ZIC4: variants seen among roughly 807,000 people sequenced by gnomAD.
ZIC4 encodes zinc finger protein ZIC 4.
Under a neutral mutation model 28.8 loss-of-function variants are expected in ZIC4, and 15 were observed. The observed-to-expected ratio is 0.52, with a 90% CI of 0.35 to 0.80. The LOEUF is 0.80. Among genes scored for constraint, ZIC4 ranks in the 30% least tolerant of loss-of-function variants. ZIC4 has a pLI of 0.01. For missense variants in ZIC4, 512 were observed against 467.1 expected (o/e 1.10, Z -0.89); for synonymous variants, 220 against 198.1 (o/e 1.11, Z -0.93).
At chr3:147,398,013 C>A (rs901286967) in intron 2 of ZIC4, among the ~76,000 whole-genome samples, 4 of 151,934 alleles carry the variant, frequency 2.6e-5, no homozygotes, top group African/African-American at 9.7e-5. Context: ...TGACCAGGGA[C>A]GGGATTAGGC....
rs2087037879 is a variant in ZIC4, at chr3:147,396,169, A to T, written c.371T>A (p.Ile124Asn). 1 of 1,614,044 alleles carries T rather than the reference A, an allele frequency of 6.2e-7. No individual in the cohort carries two copies. Residue 124 changes from isoleucine (I) to asparagine (N), a missense_variant, in exon 3 of 5, where the codon ATC becomes AAC. This residue lies in a region of ZIC4 where 310 missense variants were observed against 256.5 expected (regional missense o/e 1.21). Coordinates refer to ENST00000383075, the MANE Select transcript of ZIC4 (RefSeq NM_032153.6). This position sits in a 1 kb window ranked among gnomAD's most constrained non-coding sequence, Gnocchi z 4.2. ...GAFFRYMRQP[I>N]KQELICKWLA... ...CCACTTGCAGATGAGCTCCTGTTTGATGGGCTGGCGCATGTAGCGGAAGAA... is the reference window on the plus strand; with the variant it reads ...CCACTTGCAGATGAGCTCCTGTTTGTTGGGCTGGCGCATGTAGCGGAAGAA...
At chr3:147,405,529 G>A (rs2087256830) in intron 1 of ZIC4, 1 of 1,505,712 alleles carries the variant, frequency 6.6e-7, no homozygotes, top group Non-Finnish European at 8.9e-7. Context: ...TCACAGCTCA[G>A]CTCTATTCCC....
At chr3:147,399,359 T>G (rs1289915624) in intron 2 of ZIC4, among the ~76,000 whole-genome samples, 1 of 152,154 alleles carries the variant, frequency 6.6e-6, no homozygotes, top group East Asian at 1.9e-4. Flanking sequence ...CCCAGGTGTA[T>G]GTTGAATGAT....
At chr3:147,395,743 C>G in intron 3 of ZIC4, 109 bp downstream of exon 3, 2 of 1,493,718 alleles carry the variant, frequency 1.3e-6, no homozygotes, top group Non-Finnish European at 1.8e-6. Flanking sequence ...CTCATGGAAA[C>G]AACCCCAAAA....
At position 147,386,075 on chromosome 3, in the gene ZIC4, T is replaced by C. The variant is rs558748444; in HGVS notation, c.*2784A>G. The stretch of plus-strand genomic sequence containing the variant: ...AAAGAGGAAGAGAAACATCACATTA[T>C]TTATTTCCAAAGAAAATAGCCAAAT... On this transcript the variant is annotated 3_prime_UTR_variant, in exon 5 of 5. Coordinates refer to ENST00000383075, the MANE Select transcript of ZIC4 (RefSeq NM_032153.6). 1 of 152,332 alleles carries C rather than the reference T, an allele frequency of 6.6e-6. No individual in the cohort carries two copies. The highest frequency in any genetic ancestry group is 2.4e-5 in the African/African-American group (1 of 41,584). 9.4% of individuals were successfully genotyped at this position (152,332 alleles called of 1,614,324 possible).
chr3:147,395,452 T>A (rs2087018826), intron 3 of ZIC4, among the ~76,000 whole-genome samples: 1 of 152,192 alleles, frequency 6.6e-6, no homozygotes, highest in South Asian at 2.1e-4. Context: ...TTATCAGGAC[T>A]ACAGGTGGAA....
chr3:147,403,068 T>C (rs1045068346), intron 1 of ZIC4, among the ~76,000 whole-genome samples: 1 of 152,138 alleles, frequency 6.6e-6, no homozygotes, highest in African/African-American at 2.4e-5. Flanking sequence ...TATTTGAAAC[T>C]CCTTTGTTGT....
intron 3 of ZIC4, among the ~76,000 whole-genome samples, chr3:147,394,368 G>C (rs1333182839): frequency 6.8e-6 from 1 of 147,998 alleles, no homozygotes; most frequent in African/African-American, 2.5e-5. Flanking sequence ...CACTGAACTT[G>C]CTTCTCTGCT....
In ZIC4 at chr3:147,390,924, C is replaced by A; in HGVS notation, c.1004+7G>T. The A allele has an allele frequency of 6.2e-7, 1 of 1,604,522 alleles. No homozygotes were observed. The highest frequency in any genetic ancestry group is 8.5e-7 in the Non-Finnish European group (1 of 1,175,726). ...CCGCTATGGGGCCCAAGCCCTGACACACGTACCATTCGCTCAAGTCGGCGG... is the reference window on the plus strand; with the variant it reads ...CCGCTATGGGGCCCAAGCCCTGACAAACGTACCATTCGCTCAAGTCGGCGG... On this transcript the variant is annotated splice_region_variant and intron_variant, in intron 4 of 4. Coordinates refer to ENST00000383075, the MANE Select transcript of ZIC4 (RefSeq NM_032153.6).
Position 147,402,748 on chromosome 3 carries a change from C to T in ZIC4, c.50G>A (p.Arg17Gln), listed in dbSNP as rs148365070. 1,365 of 1,613,254 alleles carry T rather than the reference C, an allele frequency of 8.5e-4. 1 individual carries two copies. Among genetic ancestry groups the T allele is most frequent in the Non-Finnish European group, 1.1e-3 (1,295 of 1,179,706 alleles). ...CTTACTTGACTCTTTAAGAGTGTTT[C>T]GGTAAAGCCGTAATCGTTTCCTCAT... ...LVMRKRLRLY[R>Q]NTLKESSSSS... Residue 17 changes from arginine (R) to glutamine (Q), a missense_variant, in exon 2 of 5, where the codon CGA becomes CAA. Around this residue, in one of 3 missense-constraint regions of ZIC4, gnomAD observed 310 missense variants for 256.5 expected, o/e 1.21. Transcript: ENST00000383075.
rs1179950586 is a variant in ZIC4, at chr3:147,387,953, C to A, written c.*906G>T. 6.6e-6 allele frequency: 1 copy of A among 152,300 alleles called. No homozygotes were observed. Among genetic ancestry groups the A allele is most frequent in the Admixed American group, 6.5e-5 (1 of 15,274 alleles). The allele number at this position is 152,300 out of a possible 1,614,324, so 9.4% of individuals were successfully genotyped here. The stretch of plus-strand genomic sequence containing the variant: ...CTTGGAATGCTCATTTGTTAAGCTT[C>A]GGAGGCTGCTTTAAAATCTTTCACT... On this transcript the variant is annotated 3_prime_UTR_variant, in exon 5 of 5. Transcript: ENST00000383075.
In ZIC4 at chr3:147,388,585, C is replaced by T. The variant is rs2086840775; in HGVS notation, c.*274G>A. The T allele has an allele frequency of 9.7e-6, 4 of 411,994 alleles. No individual in the cohort carries two copies. The Admixed American group carries it at 1.7e-4, about 17-fold the overall frequency. 25.5% of individuals were successfully genotyped at this position (411,994 alleles called of 1,614,324 possible). On this transcript the variant is annotated 3_prime_UTR_variant, in exon 5 of 5. Transcript: ENST00000383075. Reference sequence around the variant, plus strand: ...AATTAAATGAAAATGATTTAGTCCGCGTCAAACAAAAATATATACTTGTAT... The same window carrying T: ...AATTAAATGAAAATGATTTAGTCCGTGTCAAACAAAAATATATACTTGTAT...
In ZIC4 at chr3:147,402,622, C is replaced by T. The variant is rs952259529; in HGVS notation, c.70+106G>A. 7.7e-6 allele frequency: 8 copies of T among 1,036,644 alleles called. No individual in the cohort carries two copies. The African/African-American group carries it at 1.1e-4, about 15-fold the overall frequency. 64.2% of individuals were successfully genotyped at this position (1,036,644 alleles called of 1,614,324 possible). Reference sequence around the variant, plus strand: ...AGAAACTCCCCCCAAACTCTCAACCCAACATAAACAAAAGACAAAACAAAA... The same window carrying T: ...AGAAACTCCCCCCAAACTCTCAACCTAACATAAACAAAAGACAAAACAAAA... On this transcript the variant is annotated intron_variant, in intron 2 of 4. Transcript: ENST00000383075.
Position 147,396,001 on chromosome 3 carries a change from C to A in ZIC4, c.539G>T (p.Arg180Leu), listed in dbSNP as rs1288394862. The change falls in exon 3 of 5, where the codon CGC becomes CTC. Residue 180 changes from arginine (R) to leucine (L), a missense_variant. Physicochemically the swap from Arg to Leu is moderately radical, Grantham distance 102 (BLOSUM62 -2). This residue lies in a region of ZIC4 where 310 missense variants were observed against 256.5 expected (regional missense o/e 1.21). Coordinates refer to ENST00000383075, the MANE Select transcript of ZIC4 (RefSeq NM_032153.6). This position sits in a 1 kb window ranked among gnomAD's most constrained non-coding sequence, Gnocchi z 4.2. ...TTTGGCTTTGAAGGGCTTTCCCTGG[C>A]GCGGACACTCCTCCCAGAAGCAAAT... Reference protein sequence around the residue: ...NHICFWEECPRQGKPFKAKYK... With the variant: ...NHICFWEECPLQGKPFKAKYK... 3 of 1,614,258 alleles carry A rather than the reference C, an allele frequency of 1.9e-6. No individual in the cohort carries two copies. The highest frequency in any genetic ancestry group is 1.7e-5 in the Admixed American group (1 of 60,026).
rs770194857 is a variant in ZIC4, at chr3:147,388,191, T to C, written c.*668A>G. 6.6e-6 allele frequency: 1 copy of C among 152,660 alleles called. No individual in the cohort carries two copies. The highest frequency in any genetic ancestry group is 1.5e-5 in the Non-Finnish European group (1 of 68,092). 9.5% of individuals were successfully genotyped at this position (152,660 alleles called of 1,614,324 possible). On this transcript the variant is annotated 3_prime_UTR_variant, in exon 5 of 5. Coordinates refer to ENST00000383075, the MANE Select transcript of ZIC4 (RefSeq NM_032153.6). ...GTGAAAGCAAAGGTCAGCGCAAATG[T>C]ATCTTAATAGAGTGTCTGTAGTGAA...
At chr3:147,405,275 C>G (rs1246903115) in intron 1 of ZIC4, 11 of 1,209,724 alleles carry the variant, frequency 9.1e-6, no homozygotes, top group Non-Finnish European at 1.2e-5. Context: ...CACCCCTCCC[C>G]CAACCTGCAG....
rs781706250 is a variant in ZIC4 at position 147,396,305 on chromosome 3, G to T, written c.235C>A (p.Pro79Thr). The T allele has an allele frequency of 3.6e-5, 57 of 1,602,904 alleles. 1 individual carries two copies. The South Asian group carries it at 5.9e-4, about 17-fold the overall frequency. The change falls in exon 3 of 5, where the codon CCG becomes ACG. Residue 79 changes from proline to threonine, a missense_variant. Physicochemically the swap from Pro to Thr is conservative, Grantham distance 38. Transcript: ENST00000383075. This position sits in a 1 kb window ranked among gnomAD's most constrained non-coding sequence, Gnocchi z 4.2. The part of the protein sequence containing the change: ...GDMYARPEPF[P>T]PGPAARSDAL... ...TCGCTGCGGGCCGCAGGCCCTGGCG[G>T]GAAGGGCTCCGGCCGCGCGTACATG...
intron 2 of ZIC4, among the ~76,000 whole-genome samples, chr3:147,400,341 G>A (rs1028751953): frequency 1.3e-5 from 2 of 152,184 alleles, no homozygotes; most frequent in South Asian, 2.1e-4. Flanking sequence ...TTGAACTTGT[G>A]TATGACTTTT....
chr3:147,392,175 G>C, intron 3 of ZIC4: 1 of 985,650 alleles, frequency 1.0e-6, no homozygotes, highest in Non-Finnish European at 1.2e-6. Flanking sequence ...GGTAGGGTCC[G>C]CACAGGCCAA....
Sources: allele counts gnomAD v4.1 joint callset (sites outside exome capture counted in the v4.1 genomes callset), GRCh38; gene constraint gnomAD v4.1.1; regional missense constraint gnomAD v4.1.1; non-coding constraint Gnocchi (gnomAD v3.1); transcripts MANE v1.5; gene names NCBI Gene and HGNC (gene_info 2026-07-23, HGNC 2026-07-21).